The following SMG7 variants were observed in gnomAD, a reference collection of about 807,000 sequenced individuals.
The protein encoded by SMG7 is SMG7 nonsense mediated mRNA decay factor.
A neutral mutation model predicts 148.2 loss-of-function variants in SMG7; 34 were observed. That is an observed-to-expected ratio of 0.23 (90% CI 0.17 to 0.31). The LOEUF (loss-of-function observed/expected upper bound fraction) is 0.31, where lower values mean the gene tolerates loss of function less well. SMG7 is among the 10% of genes least tolerant of loss of function. SMG7 has a pLI of 1.00. For missense variants in SMG7, 1,114 were observed against 1,408.4 expected (o/e 0.79, Z 3.35); for synonymous variants, 492 against 515.1 (o/e 0.96, Z 0.61).
intron 1 of SMG7, among the ~76,000 whole-genome samples, chr1:183,498,529 G>GT (rs1039478286): frequency 4.6e-5 from 7 of 152,144 alleles, no homozygotes; most frequent in Admixed American, 2.0e-4. Context: ...AAAAAACACT[G>GT]TTTCTTTTTC....
At chr1:183,484,327 T>G (rs1303672630) in intron 1 of SMG7, among the ~76,000 whole-genome samples, 1 of 151,972 alleles carries the variant, frequency 6.6e-6, no homozygotes, top group Non-Finnish European at 1.5e-5. Context: ...TTAATTTGTA[T>G]TTTAAAAAAT....
intron 1 of SMG7, among the ~76,000 whole-genome samples, chr1:183,506,948 G>A (rs2102372474): frequency 7.5e-6 from 1 of 133,492 alleles, no homozygotes; most frequent in South Asian, 2.4e-4. Flanking sequence ...GTGTGATCTT[G>A]GCTCGCTGCA....
intron 6 of SMG7, 151 bp downstream of exon 6, chr1:183,528,178 G>A (rs1666225697): frequency 2.3e-6 from 1 of 432,556 alleles, no homozygotes; most frequent in South Asian, 7.8e-5. Context: ...TACATTCCAT[G>A]TAAACTAAAA....
chr1:183,526,832 G>A, intron 5 of SMG7, 65 bp downstream of exon 5: 1 of 1,379,116 alleles, frequency 7.3e-7, no homozygotes, highest in South Asian at 1.4e-5. Context: ...GTCATAGAAA[G>A]AAACTGTTTT....
chr1:183,479,395 T>TA (rs1190173403), intron 1 of SMG7, among the ~76,000 whole-genome samples: 5 of 152,122 alleles, frequency 3.3e-5, no homozygotes, highest in Admixed American at 3.3e-4. Context: ...ATCGTGACAA[T>TA]AAAAAATGTC....
chr1:183,480,153 T>TA (rs1382929088), intron 1 of SMG7, among the ~76,000 whole-genome samples: 3 of 152,150 alleles, frequency 2.0e-5, no homozygotes, highest in African/African-American at 7.2e-5. Flanking sequence ...CTGTACTCTT[T>TA]AATGTTTACC....
At chr1:183,529,331 T>C (rs1666452248) in intron 7 of SMG7, 67 bp from the exon 8 acceptor site, 2 of 1,550,226 alleles carry the variant, frequency 1.3e-6, no homozygotes, top group Admixed American at 3.9e-5. Context: ...AGCAAGCCAG[T>C]GCCTCCTTAA....
chr1:183,473,652 A>G, intron 1 of SMG7: 1 of 728,136 alleles, frequency 1.4e-6, no homozygotes, highest in South Asian at 6.2e-5. Context: ...TAGATCCTGA[A>G]ATTAACTGGG....
At chr1:183,493,817 TG>T (rs1417726234) in intron 1 of SMG7, among the ~76,000 whole-genome samples, 1 of 152,134 alleles carries the variant, frequency 6.6e-6, no homozygotes, top group Non-Finnish European at 1.5e-5. Flanking sequence ...TGACCTCAGG[TG>T]ATCTGCCCGC....
At chr1:183,546,395 T>C (rs1414455453) in intron 17 of SMG7, 58 bp downstream of exon 17, 20 of 1,526,836 alleles carry the variant, frequency 1.3e-5, no homozygotes, top group Non-Finnish European at 1.7e-5. Context: ...TTGACTGTCT[T>C]TTGAATATCT....
intron 22 of SMG7, among the ~76,000 whole-genome samples, 193 bp downstream of exon 22, chr1:183,551,383 G>T (rs898937215): frequency 5.9e-5 from 9 of 152,220 alleles, no homozygotes; most frequent in Non-Finnish European, 1.3e-4. Context: ...GAATTCACTA[G>T]TGGTAAAGCA....
intron 22 of SMG7, among the ~76,000 whole-genome samples, chr1:183,551,442 A>G (rs1400827563): frequency 6.6e-6 from 1 of 152,218 alleles, no homozygotes; most frequent in Non-Finnish European, 1.5e-5. Context: ...TTCTAAGGTT[A>G]AGAAAATTCT....
chr1:183,493,494 A>C lies in SMG7; in HGVS notation c.30-19343A>C, dbSNP rs184637087. ...CCATGTGCACTTACAAAGAAGGTGT[A>C]TTCTTTTGTTGGGTAAAATGTTCTC... On this transcript the variant is annotated intron_variant, in intron 1 of 22. Transcript: ENST00000688051. Among the ~76,000 whole-genome samples, 570 of 152,304 alleles carry C rather than the reference A, an allele frequency of 3.7e-3. 2 individuals are homozygous for C. Among genetic ancestry groups the C allele is most frequent in the African/African-American group, 0.013 (541 of 41,568 alleles).
At chr1:183,535,643 G>A (rs1001733194) in intron 10 of SMG7, among the ~76,000 whole-genome samples, 3 of 151,978 alleles carry the variant, frequency 2.0e-5, no homozygotes, top group African/African-American at 7.2e-5. Flanking sequence ...TTATATCTGG[G>A]CCTTCTCAAT....
At chr1:183,539,010 C>A (rs922080856) in intron 12 of SMG7, among the ~76,000 whole-genome samples, 2 of 151,944 alleles carry the variant, frequency 1.3e-5, no homozygotes, top group Non-Finnish European at 2.9e-5. Context: ...ATTAGCCGGG[C>A]ATGGTGGCGG....
intron 6 of SMG7, 103 bp downstream of exon 6, chr1:183,528,130 A>C: frequency 1.4e-6 from 1 of 737,454 alleles, no homozygotes; most frequent in Non-Finnish European, 2.1e-6. Context: ...GAAAGCAATA[A>C]ATGAGTTTTG....
At chr1:183,535,102 G>T (rs1440827833) in intron 10 of SMG7, among the ~76,000 whole-genome samples, 1 of 152,022 alleles carries the variant, frequency 6.6e-6, no homozygotes, top group Non-Finnish European at 1.5e-5. Flanking sequence ...GTGTACTCTA[G>T]AACTCAAATT....
At chr1:183,529,783 G>GA (rs1176944913) in intron 8 of SMG7, among the ~76,000 whole-genome samples, 1 of 151,970 alleles carries the variant, frequency 6.6e-6, no homozygotes, top group Non-Finnish European at 1.5e-5. Context: ...TATCAAAGTG[G>GA]AAAAAAATAA....
In SMG7 at chr1:183,549,785, A is replaced by ATAT; in HGVS notation, c.2996_2997insATT (p.Met999delinsIleLeu). 6.2e-7 allele frequency: 1 copy of ATAT among 1,613,738 alleles called. No individual in the cohort carries two copies. The highest frequency in any genetic ancestry group is 1.1e-5 in the South Asian group (1 of 91,080). On this transcript the variant is annotated protein_altering_variant, in exon 20 of 23. Coordinates refer to ENST00000688051, the MANE Select transcript of SMG7 (RefSeq NM_001375584.1). Reference sequence around the variant, plus strand: ...TCAGGAAAGATACCCAAATAATAGTATGTTCAATGAGGTATATGGGAAAAA... The same window carrying ATAT: ...TCAGGAAAGATACCCAAATAATAGTATATTGTTCAATGAGGTATATGGGAAAAA...
Sources: allele counts gnomAD v4.1 joint callset (sites outside exome capture counted in the v4.1 genomes callset), GRCh38; gene constraint gnomAD v4.1.1; transcripts MANE v1.5; gene names NCBI Gene and HGNC (gene_info 2026-07-23, HGNC 2026-07-21).